Variants in PLRG1 observed in about 807,000 individuals in gnomAD.
The protein encoded by PLRG1 is pleiotropic regulator 1.
PLRG1 carries 28 observed loss-of-function variants against 74.9 expected under a neutral mutation model. That is an observed-to-expected ratio of 0.37 (90% CI 0.28 to 0.51). PLRG1 has a LOEUF of 0.51. PLRG1 is among the 20% of genes least tolerant of loss of function. PLRG1 has a pLI of 0.91. For synonymous variants in PLRG1, 197 were observed against 212.4 expected (o/e 0.93, Z 0.63); for missense variants, 445 against 631.9 (o/e 0.70, Z 3.17).
chr4:154,547,210 T>C (rs1729674346), intron 3 of PLRG1, 146 bp from the exon 4 acceptor site: 3 of 697,804 alleles, frequency 4.3e-6, no homozygotes, highest in East Asian at 5.4e-5. Context: ...ATAAGGGAAG[T>C]TGATCACTTT....
intron 12 of PLRG1, 36 bp downstream of exon 12, chr4:154,539,069 A>G: frequency 1.7e-6 from 2 of 1,201,934 alleles, no homozygotes; most frequent in Non-Finnish European, 2.5e-6. Context: ...TAAGAACTGA[A>G]GAAAAACAAG....
chr4:154,544,523 G>A lies in PLRG1; in HGVS notation c.516C>T (p.Thr172=). 6.2e-7 allele frequency: 1 copy of A among 1,607,260 alleles called. No individual in the cohort carries two copies. The highest frequency in any genetic ancestry group is 8.5e-7 in the Non-Finnish European group (1 of 1,174,082). Residue 172 remains threonine, a synonymous_variant, in exon 7 of 15, where the codon ACC becomes ACT. Transcript: ENST00000499023. ...MNSIVMETGN[T]KNSALMAKKA... ...TTTTAGCCATCAGTGCAGAGTTCTT[G>A]GTATTGCCAGTCTCCATGACAATCT...
rs776142911 is a variant in PLRG1, at chr4:154,549,716, C to T, written c.9+584G>A. Reference sequence around the variant, plus strand: ...AAATGGAAGCAAGGAAACCAACCAACGGGGAGCTAATGCACCAGTCCAGGT... The same window carrying T: ...AAATGGAAGCAAGGAAACCAACCAATGGGGAGCTAATGCACCAGTCCAGGT... On this transcript the variant is annotated intron_variant, in intron 1 of 14. Coordinates refer to ENST00000499023, the MANE Select transcript of PLRG1 (RefSeq NM_002669.4). The T allele has an allele frequency of 1.4e-4, 66 of 456,350 alleles. No homozygotes were observed. The Middle Eastern group carries it at 2.0e-3, about 13-fold the overall frequency. 28.3% of individuals were successfully genotyped at this position (456,350 alleles called of 1,614,324 possible).
intron 1 of PLRG1, among the ~76,000 whole-genome samples, 166 bp downstream of exon 1, chr4:154,550,134 C>T (rs1403830156): frequency 6.6e-6 from 1 of 152,196 alleles, no homozygotes; most frequent in Non-Finnish European, 1.5e-5. Context: ...CCGGCTTCTA[C>T]CCCTTCCCCG....
chr4:154,549,827 G>A (rs187462834), intron 1 of PLRG1: 29 of 454,220 alleles, frequency 6.4e-5, no homozygotes, highest in South Asian at 4.1e-4. Flanking sequence ...GGGGTAAGAT[G>A]GACAAGACCA....
intron 8 of PLRG1, 64 bp from the exon 9 acceptor site, chr4:154,540,998 C>A (rs781671932): frequency 1.6e-5 from 19 of 1,170,724 alleles, no homozygotes; most frequent in Admixed American, 2.6e-5. Flanking sequence ...TTTTAGAAAC[C>A]TGATTATTAA....
chr4:154,546,762 T>C, intron 4 of PLRG1: 2 of 518,148 alleles, frequency 3.9e-6, no homozygotes, highest in Admixed American at 3.3e-5. Context: ...AGATAATAAA[T>C]AACTAGGCCT....
At chr4:154,545,773 G>A in intron 6 of PLRG1, 63 bp downstream of exon 6, 3 of 935,274 alleles carry the variant, frequency 3.2e-6, no homozygotes, top group Middle Eastern at 2.2e-4. Context: ...TTCCAAAGAA[G>A]AGGGAAATAT....
Position 154,537,419 on chromosome 4 carries a change from T to C in PLRG1, c.1352A>G (p.His451Arg). 1.2e-6 allele frequency: 2 copies of C among 1,613,398 alleles called. No individual in the cohort carries two copies. The highest frequency in any genetic ancestry group is 1.7e-6 in the Non-Finnish European group (2 of 1,179,508). Residue 451 changes from histidine to arginine, a missense_variant, in exon 14 of 15, where the codon CAC (histidine) becomes CGC (arginine). Physicochemically the swap from His to Arg is conservative, Grantham distance 29. Around this residue, in one of 3 missense-constraint regions of PLRG1, gnomAD observed 221 missense variants for 377.7 expected, o/e 0.59. Transcript: ENST00000499023. Reference protein sequence around the residue: ...WRTGYNFQRVHAAVQPGSLDS... With the variant: ...WRTGYNFQRVRAAVQPGSLDS... Reference sequence around the variant, plus strand: ...CAAAGACCCAGGTTGCACAGCTGCGTGAACTCTCTGAAAATTGTAGCCAGT... The same window carrying C: ...CAAAGACCCAGGTTGCACAGCTGCGCGAACTCTCTGAAAATTGTAGCCAGT...
Position 154,540,444 on chromosome 4 carries a change from G to T in PLRG1, c.939+150C>A, listed in dbSNP as rs111786959. On this transcript the variant is annotated intron_variant, in intron 10 of 14. Coordinates refer to ENST00000499023, the MANE Select transcript of PLRG1 (RefSeq NM_002669.4). Reference sequence around the variant, plus strand: ...ACTGAAGACTAAGGTGGAAAAAAATGCAAGTTAAGAAACTTAGGGACTAGG... The same window carrying T: ...ACTGAAGACTAAGGTGGAAAAAAATTCAAGTTAAGAAACTTAGGGACTAGG... 2.0e-4 allele frequency: 124 copies of T among 623,692 alleles called. 1 individual carries two copies. The East Asian group carries it at 3.4e-3, about 17-fold the overall frequency. 38.6% of individuals were successfully genotyped at this position (623,692 alleles called of 1,614,324 possible).
chr4:154,543,831 TTC>T (rs1368454061), intron 7 of PLRG1: 1 of 152,368 alleles, frequency 6.6e-6, no homozygotes, highest in East Asian at 1.9e-4. Flanking sequence ...TATGTACATT[TTC>T]TTTTTTAAAA....
chr4:154,540,998 C>T, intron 8 of PLRG1, 64 bp from the exon 9 acceptor site: 1 of 1,170,844 alleles, frequency 8.5e-7, no homozygotes, highest in Non-Finnish European at 1.2e-6. Flanking sequence ...TTTTAGAAAC[C>T]TGATTATTAA....
chr4:154,544,513 C>T lies in PLRG1; in HGVS notation c.526G>A (p.Ala176Thr). Reference sequence around the variant, plus strand: ...GTAGGGGCTTTTTTAGCCATCAGTGCAGAGTTCTTGGTATTGCCAGTCTCC... The same window carrying T: ...GTAGGGGCTTTTTTAGCCATCAGTGTAGAGTTCTTGGTATTGCCAGTCTCC... ...VMETGNTKNS[A>T]LMAKKAPTMP... The change falls in exon 7 of 15, where the codon GCA becomes ACA. Residue 176 changes from alanine (A) to threonine (T), a missense_variant. Physicochemically the swap from Ala to Thr is moderately conservative, Grantham distance 58 (BLOSUM62 0). This residue lies in a region of PLRG1 where 206 missense variants were observed against 210.8 expected (regional missense o/e 0.98). Transcript: ENST00000499023. 2 of 1,612,122 alleles carry T rather than the reference C, an allele frequency of 1.2e-6. No homozygotes were observed. Among genetic ancestry groups the T allele is most frequent in the Non-Finnish European group, 1.7e-6 (2 of 1,178,308 alleles).
intron 3 of PLRG1, chr4:154,547,419 G>A (rs12641958): frequency 0.31 from 152,963 of 497,208 alleles, 24,371 homozygotes; most frequent in Middle Eastern, 0.36. Context: ...GATAGATGGT[G>A]TCCTCACAGG....
chr4:154,537,663 T>C (rs530938908), intron 13 of PLRG1, 184 bp from the exon 14 acceptor site: 21 of 514,006 alleles, frequency 4.1e-5, no homozygotes, highest in Non-Finnish European at 5.4e-5. Flanking sequence ...TCAGAACTTA[T>C]AGATCTTAAA....
intron 12 of PLRG1, among the ~76,000 whole-genome samples, chr4:154,538,322 T>C (rs1281412340): frequency 6.6e-6 from 1 of 152,094 alleles, no homozygotes; most frequent in African/African-American, 2.4e-5. Flanking sequence ...AAGTCCTAGA[T>C]TAATGTTTTG....
intron 7 of PLRG1, among the ~76,000 whole-genome samples, chr4:154,543,593 G>C (rs1222786850): frequency 6.6e-6 from 1 of 152,200 alleles, no homozygotes; most frequent in Non-Finnish European, 1.5e-5. Flanking sequence ...ACAGATCAGT[G>C]ATTGTCAGAG....
At chr4:154,536,888 T>A in intron 14 of PLRG1, 144 bp from the exon 15 acceptor site, 2 of 548,536 alleles carry the variant, frequency 3.6e-6, no homozygotes, top group Non-Finnish European at 3.2e-6. Context: ...GAAGAGTTGA[T>A]AAACTTCTGG....
chr4:154,536,073 T>A lies in PLRG1; in HGVS notation c.*612A>T, dbSNP rs11553453. ...CACAATCCTTCCTGAGAAAAATAAA[T>A]GGTCTTATCCCTTCTGTTCCCCCAG... On this transcript the variant is annotated 3_prime_UTR_variant, in exon 15 of 15. Coordinates refer to ENST00000499023, the MANE Select transcript of PLRG1 (RefSeq NM_002669.4). 40,364 of 152,098 alleles carry A rather than the reference T, an allele frequency of 0.27. 5,816 individuals carry two copies. The highest frequency in any genetic ancestry group is 0.36 in the Middle Eastern group (106 of 292). The allele number at this position is 152,098 out of a possible 1,614,324, so 9.4% of individuals were successfully genotyped here.
Sources: gnomAD v4.1 joint callset for allele counts (sites outside exome capture counted in the v4.1 genomes callset) on GRCh38, gnomAD v4.1.1 for gene constraint, gnomAD v4.1.1 regional missense constraint, MANE v1.5 for transcripts, NCBI Gene and HGNC (gene_info 2026-07-23, HGNC 2026-07-21) for gene names.